Variants in FOXP1 observed in about 807,000 individuals in gnomAD.
The protein encoded by FOXP1 is forkhead box P1, also known as forkhead box protein P1.
FOXP1 carries 15 observed loss-of-function variants against 98.2 expected under a neutral mutation model. The observed-to-expected ratio is 0.15, with a 90% CI of 0.10 to 0.24. FOXP1 has a LOEUF of 0.24. Ranked by LOEUF, FOXP1 falls within the 10% of genes least tolerant of loss-of-function variation. The probability of loss-of-function intolerance (pLI) is 1.00; values close to 1 mark genes in which losing one functional copy is unlikely to be tolerated. For synonymous variants in FOXP1, 371 were observed against 314.5 expected, an observed-to-expected ratio of 1.18 and a Z score of -1.90; for missense variants, 633 against 848.5, an observed-to-expected ratio of 0.75 and a Z score of 3.15.
At chr3:71,198,944 C>T (rs2063483743) in intron 5 of FOXP1, among the ~76,000 whole-genome samples, 1 of 151,984 alleles carries the variant, frequency 6.6e-6, no homozygotes, top group Non-Finnish European at 1.5e-5. Context: ...GATCCACCCG[C>T]CTCGGCCTCC....
At chr3:71,049,282 C>A (rs956545819) in intron 9 of FOXP1, among the ~76,000 whole-genome samples, 1 of 152,102 alleles carries the variant, frequency 6.6e-6, no homozygotes, top group African/African-American at 2.4e-5. Context: ...CCGGGACAAA[C>A]GGCCCTTTTA....
rs1036028451 is a variant in FOXP1 at position 71,277,037 on chromosome 3, C to A, written c.-12+22783G>T. Among the ~76,000 whole-genome samples the A allele has an allele frequency of 3.3e-5, 5 of 150,322 alleles. No individual in the cohort carries two copies. In the South Asian group the frequency reaches 8.4e-4, roughly 25 times the overall value. On this transcript the variant is annotated intron_variant, in intron 5 of 20. Coordinates refer to ENST00000649528, the MANE Select transcript of FOXP1 (RefSeq NM_001349338.3). ...GCAGTGGTGCCATCTCGGCTCACTG[C>A]AAGCTTCCCCTCCCGGATTCACGCC...
intron 17 of FOXP1, among the ~76,000 whole-genome samples, chr3:70,973,624 A>AAACTT (rs561259201): frequency 5.3e-5 from 8 of 152,302 alleles, no homozygotes; most frequent in Admixed American, 2.6e-4. Context: ...CCGCCTGGTT[A>AAACTT]AACTTACGGA....
At chr3:71,429,296 G>C (rs2108374532) in intron 3 of FOXP1, among the ~76,000 whole-genome samples, 1 of 152,252 alleles carries the variant, frequency 6.6e-6, no homozygotes, top group Middle Eastern at 3.4e-3. Flanking sequence ...GTGAAGTGTG[G>C]GGAGGAAGAA....
At chr3:71,207,516 T>A (rs2064136685) in intron 5 of FOXP1, among the ~76,000 whole-genome samples, 1 of 152,194 alleles carries the variant, frequency 6.6e-6, no homozygotes, top group Admixed American at 6.5e-5. Context: ...AAAACTCCAA[T>A]ATACATATAT....
intron 5 of FOXP1, among the ~76,000 whole-genome samples, chr3:71,287,364 A>G (rs932089310): frequency 6.6e-6 from 1 of 151,936 alleles, no homozygotes; most frequent in Non-Finnish European, 1.5e-5. Flanking sequence ...CCAGCTACTC[A>G]TTGAGGCTGA....
chr3:71,008,136 C>T (rs567588331), intron 12 of FOXP1, among the ~76,000 whole-genome samples: 1 of 152,232 alleles, frequency 6.6e-6, no homozygotes, highest in South Asian at 2.1e-4. Flanking sequence ...GAAACATTTT[C>T]CCCCAAGCAC....
chr3:70,978,647 C>T (rs1264034609), intron 14 of FOXP1, among the ~76,000 whole-genome samples: 2 of 152,192 alleles, frequency 1.3e-5, no homozygotes, highest in Admixed American at 6.5e-5. Context: ...TCGTGGATGA[C>T]GAGAACTCCT....
At chr3:71,371,686 G>C (rs1051029989) in intron 3 of FOXP1, among the ~76,000 whole-genome samples, 6 of 152,210 alleles carry the variant, frequency 3.9e-5, no homozygotes, top group Non-Finnish European at 8.8e-5. Flanking sequence ...CTGCTTGGGA[G>C]GCTGAGGTGG....
intron 13 of FOXP1, among the ~76,000 whole-genome samples, chr3:70,990,766 T>C (rs2040479124): frequency 2.0e-5 from 3 of 152,216 alleles, no homozygotes; most frequent in Admixed American, 1.3e-4. Context: ...GAGCTGCTTG[T>C]GCAGGGGTCA....
At chr3:71,401,155 C>A (rs867849862) in intron 3 of FOXP1, among the ~76,000 whole-genome samples, 1 of 152,164 alleles carries the variant, frequency 6.6e-6, no homozygotes, top group Non-Finnish European at 1.5e-5. Flanking sequence ...ATGAAAGAAA[C>A]TGTACTTACA....
intron 20 of FOXP1, among the ~76,000 whole-genome samples, chr3:70,962,739 G>T (rs1356367061): frequency 6.6e-6 from 1 of 152,134 alleles, no homozygotes; most frequent in East Asian, 1.9e-4. Context: ...TTATAACCCA[G>T]AATTGAATGA....
intron 6 of FOXP1, among the ~76,000 whole-genome samples, chr3:71,183,409 G>T (rs1220996959): frequency 6.6e-6 from 1 of 152,138 alleles, no homozygotes; most frequent in Non-Finnish European, 1.5e-5. Flanking sequence ...TGAGGGAGGA[G>T]AATCGCTTGA....
chr3:71,049,618 G>A (rs996986051), intron 9 of FOXP1, among the ~76,000 whole-genome samples: 2 of 151,490 alleles, frequency 1.3e-5, no homozygotes, highest in Non-Finnish European at 2.9e-5. Context: ...TTATTGCAGA[G>A]GTAATCAAAA....
chr3:71,495,744 T>G (rs188189114), intron 2 of FOXP1, among the ~76,000 whole-genome samples: 250 of 152,326 alleles, frequency 1.6e-3, no homozygotes, highest in African/African-American at 5.8e-3. Context: ...GAACTCTATA[T>G]TTTCCAGCCA....
Position 71,193,155 on chromosome 3 carries a change from G to GT in FOXP1, c.180+5046dup, listed in dbSNP as rs372354119. Among the ~76,000 whole-genome samples the GT allele has an allele frequency of 3.0e-3, 435 of 142,834 alleles. 6 individuals are homozygous for GT. Among genetic ancestry groups the GT allele is most frequent in the African/African-American group, 0.01 (372 of 37,158 alleles). The allele number at this position is 142,834 out of a possible 152,430, so 93.7% of individuals were successfully genotyped here. On this transcript the variant is annotated intron_variant, in intron 6 of 20. Coordinates refer to ENST00000649528, the MANE Select transcript of FOXP1 (RefSeq NM_001349338.3). ...GTTGTTGTTGTTGTTGTTTATTTGT[G>GT]TTTTTTTTTTGAGACGGAGTCTTGC...
intron 20 of FOXP1, among the ~76,000 whole-genome samples, chr3:70,961,079 G>A (rs1267437605): frequency 2.0e-5 from 3 of 151,808 alleles, no homozygotes; most frequent in African/African-American, 4.8e-5. Flanking sequence ...TGATCCGCCC[G>A]CCTTGGCCTC....
intron 4 of FOXP1, among the ~76,000 whole-genome samples, chr3:71,320,911 T>G (rs1294056250): frequency 6.6e-6 from 1 of 152,152 alleles, no homozygotes; most frequent in Non-Finnish European, 1.5e-5. Flanking sequence ...GATATTTATG[T>G]GAATGACTGA....
intron 11 of FOXP1, among the ~76,000 whole-genome samples, chr3:71,032,637 G>A (rs73119647): frequency 0.062 from 9,384 of 152,242 alleles, 385 homozygotes; most frequent in East Asian, 0.11. Context: ...CAGAGAGGTA[G>A]CTCCCTCGGA....
Sources: gnomAD v4.1 joint callset for allele counts (sites outside exome capture counted in the v4.1 genomes callset) on GRCh38, gnomAD v4.1.1 for gene constraint, MANE v1.5 for transcripts, NCBI Gene and HGNC (gene_info 2026-07-23, HGNC 2026-07-21) for gene names.